PPM1H: variants seen among roughly 807,000 people sequenced by gnomAD.
PPM1H encodes protein phosphatase 1H.
A neutral mutation model predicts 54.9 loss-of-function variants in PPM1H; 27 were observed. The observed-to-expected ratio is 0.49, with a 90% CI of 0.36 to 0.68. PPM1H has a LOEUF of 0.68. Ranked by LOEUF, PPM1H falls within the 30% of genes least tolerant of loss-of-function variation. PPM1H has a pLI of 0.00. For synonymous variants in PPM1H, 305 were observed against 270.8 expected (o/e 1.13, Z -1.24); for missense variants, 596 against 667.8 (o/e 0.89, Z 1.19).
intron 4 of PPM1H, among the ~76,000 whole-genome samples, chr12:62,759,538 C>T (rs998827855): frequency 1.3e-5 from 2 of 152,186 alleles, no homozygotes; most frequent in African/African-American, 2.4e-5. Context: ...GTCACGGACT[C>T]GGGAAGACAG....
intron 1 of PPM1H, among the ~76,000 whole-genome samples, chr12:62,922,992 AGCTCAACTATGTGGAT>A (rs1216365296): frequency 6.6e-6 from 1 of 152,234 alleles, no homozygotes; most frequent in East Asian, 1.9e-4. Flanking sequence ...CCCCATGTGA[AGCTCAACTATGTGGAT>A]GCTAAGTTAT....
intron 1 of PPM1H, among the ~76,000 whole-genome samples, chr12:62,929,316 C>A (rs1872061642): frequency 6.6e-6 from 1 of 152,034 alleles, no homozygotes; most frequent in African/African-American, 2.4e-5. Flanking sequence ...ATAATGGAAG[C>A]AGATGAATGA....
intron 1 of PPM1H, among the ~76,000 whole-genome samples, chr12:62,913,461 A>G (rs1871520428): frequency 6.6e-6 from 1 of 152,084 alleles, no homozygotes; most frequent in Non-Finnish European, 1.5e-5. Flanking sequence ...TCCCAGGCGC[A>G]TCCTACTCTG....
intron 7 of PPM1H, among the ~76,000 whole-genome samples, chr12:62,691,181 C>A (rs1361679444): frequency 6.6e-6 from 1 of 152,094 alleles, no homozygotes; most frequent in Non-Finnish European, 1.5e-5. Context: ...TGCATCAAGA[C>A]AGGCGACACA....
chr12:62,722,885 A>G (rs771611660), intron 5 of PPM1H, among the ~76,000 whole-genome samples: 30 of 152,338 alleles, frequency 2.0e-4, no homozygotes, highest in Non-Finnish European at 3.1e-4. Context: ...GTGCTGGGTC[A>G]TATATGCACA....
rs1565743582 is a variant in PPM1H, at chr12:62,648,331, G to A, written c.*158C>T. ...ACTAAAGAAGAAATGGAAACCAAAG[G>A]GTCATCTTGAAGCATAGTCTTTTGG... On this transcript the variant is annotated 3_prime_UTR_variant, in exon 10 of 10. Transcript: ENST00000228705. 3.5e-6 allele frequency: 3 copies of A among 850,642 alleles called. No homozygotes were observed. The highest frequency in any genetic ancestry group is 5.4e-6 in the Non-Finnish European group (3 of 560,632). The allele number at this position is 850,642 out of a possible 1,614,324, so 52.7% of individuals were successfully genotyped here. A position where few individuals can be genotyped will look rare whatever the true frequency, so the allele number is the denominator to read the frequency against.
intron 1 of PPM1H, among the ~76,000 whole-genome samples, chr12:62,872,855 C>CTAAT (rs1454595811): frequency 6.6e-6 from 1 of 152,108 alleles, no homozygotes; most frequent in African/African-American, 2.4e-5. Context: ...AAAGAAGGCA[C>CTAAT]ATTAGACAGT....
chr12:62,795,610 A>AT (rs958899273), intron 3 of PPM1H, among the ~76,000 whole-genome samples: 2 of 151,096 alleles, frequency 1.3e-5, no homozygotes, highest in Non-Finnish European at 2.9e-5. Flanking sequence ...CGCCCAGCTA[A>AT]TTTTTTTGTA....
chr12:62,678,897 G>A (rs2076002663), intron 8 of PPM1H, among the ~76,000 whole-genome samples: 1 of 152,024 alleles, frequency 6.6e-6, no homozygotes. Flanking sequence ...ATGTTGGCCA[G>A]GCTGGTCTTG....
chr12:62,813,492 T>A (rs1051471296), intron 2 of PPM1H, among the ~76,000 whole-genome samples: 4 of 152,232 alleles, frequency 2.6e-5, no homozygotes, highest in Non-Finnish European at 5.9e-5. Context: ...TTTTGGTATA[T>A]GGCAACCCAT....
chr12:62,708,926 A>G (rs560983507), intron 6 of PPM1H, among the ~76,000 whole-genome samples: 41 of 152,202 alleles, frequency 2.7e-4, no homozygotes, highest in African/African-American at 9.6e-4. Context: ...TGTCAGCTCT[A>G]TATTTCTGCC....
intron 1 of PPM1H, among the ~76,000 whole-genome samples, chr12:62,904,542 C>A (rs2121123792): frequency 6.6e-6 from 1 of 152,248 alleles, no homozygotes; most frequent in Non-Finnish European, 1.5e-5. Context: ...GCTTCATGGG[C>A]CCTTCTAAGA....
chr12:62,800,128 G>A lies in PPM1H; in HGVS notation c.756+1688C>T, dbSNP rs528700681. On this transcript the variant is annotated intron_variant, in intron 3 of 9. Coordinates refer to ENST00000228705, the MANE Select transcript of PPM1H (RefSeq NM_020700.2). ...TAAAAAGAGGATGCAAATTTGAGGGGTGAATATATGAACTATTTTTGCCTT... is the reference window on the plus strand; with the variant it reads ...TAAAAAGAGGATGCAAATTTGAGGGATGAATATATGAACTATTTTTGCCTT... 3.3e-5 allele frequency among the ~76,000 whole-genome samples: 5 copies of A among 152,316 alleles called. No homozygotes were observed. In the South Asian group the frequency reaches 6.2e-4, roughly 19 times the overall value.
chr12:62,927,313 G>A (rs1871999015), intron 1 of PPM1H, among the ~76,000 whole-genome samples: 1 of 152,188 alleles, frequency 6.6e-6, no homozygotes, highest in African/African-American at 2.4e-5. Flanking sequence ...TTCAATGGGA[G>A]ATTCATGAAT....
At chr12:62,812,435 C>T (rs1310223839) in intron 2 of PPM1H, among the ~76,000 whole-genome samples, 1 of 152,116 alleles carries the variant, frequency 6.6e-6, no homozygotes, top group Non-Finnish European at 1.5e-5. Flanking sequence ...AGTATCAAGC[C>T]CCTTCCTGAC....
chr12:62,772,433 C>T (rs541757797), intron 4 of PPM1H, among the ~76,000 whole-genome samples: 1 of 152,266 alleles, frequency 6.6e-6, no homozygotes, highest in African/African-American at 2.4e-5. Context: ...ATGGGTCTCC[C>T]TTCTTTACTC....
intron 1 of PPM1H, among the ~76,000 whole-genome samples, chr12:62,856,426 G>C (rs1027624041): frequency 6.6e-6 from 1 of 152,142 alleles, no homozygotes; most frequent in South Asian, 2.1e-4. Flanking sequence ...CTGATGCCCA[G>C]TGTCCCACAA....
At chr12:62,931,270 A>T (rs761792673) in intron 1 of PPM1H, among the ~76,000 whole-genome samples, 10 of 152,178 alleles carry the variant, frequency 6.6e-5, no homozygotes, top group Non-Finnish European at 2.9e-5. Context: ...TACAGTTCTT[A>T]TCACCACAAT....
chr12:62,683,434 G>T (rs556793277), intron 8 of PPM1H, among the ~76,000 whole-genome samples: 129 of 152,266 alleles, frequency 8.5e-4, no homozygotes, highest in African/African-American at 3.0e-3. Flanking sequence ...GGCTGTGATT[G>T]CTTGTGCAGT....
Sources: allele counts gnomAD v4.1 joint callset (sites outside exome capture counted in the v4.1 genomes callset), GRCh38; gene constraint gnomAD v4.1.1; transcripts MANE v1.5; gene names NCBI Gene and HGNC (gene_info 2026-07-23, HGNC 2026-07-21).